CNTNAP2: variants seen among roughly 807,000 people sequenced by gnomAD.
CNTNAP2 encodes the protein contactin associated protein 2, also known as contactin-associated protein-like 2.
CNTNAP2 carries 98 observed loss-of-function variants against 155.2 expected under a neutral mutation model. The ratio of observed to expected loss-of-function variants is 0.63; its 90% CI spans 0.54 to 0.75. CNTNAP2 has a LOEUF of 0.75. Among genes scored for constraint, CNTNAP2 ranks in the 30% least tolerant of loss-of-function variants. The pLI, the probability that CNTNAP2 is intolerant of heterozygous loss-of-function variation, is 0.00. For synonymous variants in CNTNAP2, 651 were observed against 631.2 expected (o/e 1.03, Z -0.47); for missense variants, 1,727 against 1,688.1 (o/e 1.02, Z -0.40).
intron 1 of CNTNAP2, among the ~76,000 whole-genome samples, chr7:146,164,937 A>AGT (rs931789647): frequency 6.6e-6 from 1 of 152,146 alleles, no homozygotes; most frequent in Non-Finnish European, 1.5e-5. Context: ...GTTTATGTGA[A>AGT]GTGTGTGTGT....
chr7:146,423,378 A>G (rs561061226), intron 1 of CNTNAP2, among the ~76,000 whole-genome samples: 1 of 152,228 alleles, frequency 6.6e-6, no homozygotes, highest in Admixed American at 6.5e-5. Context: ...CAAGAATTTT[A>G]TGATTGATGG....
At chr7:147,615,342 A>G (rs991303019) in intron 12 of CNTNAP2, among the ~76,000 whole-genome samples, 3 of 144,024 alleles carry the variant, frequency 2.1e-5, no homozygotes, top group African/African-American at 5.1e-5. Context: ...TTGGCCAGGC[A>G]TTGTGGTTCA....
chr7:146,382,568 C>G (rs1795404949), intron 1 of CNTNAP2, among the ~76,000 whole-genome samples: 1 of 152,080 alleles, frequency 6.6e-6, no homozygotes, highest in South Asian at 2.1e-4. Context: ...CATATAATTA[C>G]TTTTCAGGTA....
At chr7:147,062,415 G>T (rs1799701953) in intron 4 of CNTNAP2, among the ~76,000 whole-genome samples, 1 of 151,940 alleles carries the variant, frequency 6.6e-6, no homozygotes, top group Admixed American at 6.6e-5. Flanking sequence ...GGGATTATTT[G>T]TGGTAACCAT....
At chr7:147,269,662 G>A (rs562856366) in intron 8 of CNTNAP2, among the ~76,000 whole-genome samples, 2 of 152,264 alleles carry the variant, frequency 1.3e-5, no homozygotes, top group African/African-American at 2.4e-5. Flanking sequence ...AGATTTTCCC[G>A]AGCAAGGATT....
chr7:147,047,105 C>CTTT (rs34699998), intron 4 of CNTNAP2, among the ~76,000 whole-genome samples: 124 of 99,804 alleles, frequency 1.2e-3, no homozygotes, highest in East Asian at 1.8e-3. Context: ...AGTTATGTTT[C>CTTT]TTTTTTTTTT....
intron 15 of CNTNAP2, among the ~76,000 whole-genome samples, chr7:148,117,279 T>C (rs945715092): frequency 6.6e-6 from 1 of 152,130 alleles, no homozygotes; most frequent in Non-Finnish European, 1.5e-5. Context: ...CTCATCCCCA[T>C]ACTATACAAC....
chr7:148,139,494 C>A (rs1268929849), intron 16 of CNTNAP2, among the ~76,000 whole-genome samples: 1 of 152,098 alleles, frequency 6.6e-6, no homozygotes, highest in East Asian at 1.9e-4. Flanking sequence ...TTCACTGAAG[C>A]TTTTAGGTCT....
chr7:146,616,464 C>T (rs1392505639), intron 1 of CNTNAP2, among the ~76,000 whole-genome samples: 7 of 152,126 alleles, frequency 4.6e-5, no homozygotes, highest in Non-Finnish European at 8.8e-5. Flanking sequence ...GCCTTTCTAA[C>T]CGAAACCATC....
chr7:146,813,620 A>G (rs1176942331), intron 2 of CNTNAP2, among the ~76,000 whole-genome samples: 11 of 152,108 alleles, frequency 7.2e-5, no homozygotes, highest in Admixed American at 7.2e-4. Context: ...ATGAGATGTT[A>G]GACTTGGACT....
chr7:148,091,350 A>G (rs572266629), intron 15 of CNTNAP2, among the ~76,000 whole-genome samples: 8 of 152,314 alleles, frequency 5.3e-5, no homozygotes, highest in Admixed American at 3.3e-4. Context: ...CATGTTGTAC[A>G]CCATACATAT....
chr7:146,632,777 T>TA (rs1415096556), intron 1 of CNTNAP2, among the ~76,000 whole-genome samples: 1 of 151,986 alleles, frequency 6.6e-6, no homozygotes, highest in Non-Finnish European at 1.5e-5. Flanking sequence ...ATAAGGAATT[T>TA]AAAATTATAA....
chr7:146,259,731 C>T (rs1370932699), intron 1 of CNTNAP2, among the ~76,000 whole-genome samples: 2 of 152,222 alleles, frequency 1.3e-5, no homozygotes, highest in South Asian at 2.1e-4. Context: ...AAAACTGATA[C>T]TTATATTTTA....
chr7:146,775,969 A>G (rs929191994), intron 2 of CNTNAP2, among the ~76,000 whole-genome samples: 3 of 152,096 alleles, frequency 2.0e-5, no homozygotes, highest in Non-Finnish European at 4.4e-5. Context: ...TGGACATGAG[A>G]GAGTTGTTGA....
At chr7:148,158,549 C>A (rs976517532) in intron 17 of CNTNAP2, among the ~76,000 whole-genome samples, 4 of 152,074 alleles carry the variant, frequency 2.6e-5, no homozygotes, top group African/African-American at 9.7e-5. Context: ...AATGTGCTCC[C>A]AAATAATCAA....
intron 18 of CNTNAP2, among the ~76,000 whole-genome samples, chr7:148,213,875 C>G (rs536316200): frequency 1.3e-5 from 2 of 152,322 alleles, no homozygotes; most frequent in Non-Finnish European, 2.9e-5. Flanking sequence ...ATCCCCAACA[C>G]CCAGCTGAAA....
At chr7:148,253,160 C>T (rs747263767) in intron 20 of CNTNAP2, among the ~76,000 whole-genome samples, 14 of 152,122 alleles carry the variant, frequency 9.2e-5, no homozygotes, top group Admixed American at 2.6e-4. Context: ...CCCTTCACAA[C>T]GTATCTTCCA....
chr7:146,310,859 A>C (rs114582130), intron 1 of CNTNAP2, among the ~76,000 whole-genome samples: 1 of 152,148 alleles, frequency 6.6e-6, no homozygotes, highest in Non-Finnish European at 1.5e-5. Flanking sequence ...ATAAAACTCT[A>C]TTTTACTAAT....
chr7:147,205,319 C>T (rs1418169714), intron 8 of CNTNAP2, among the ~76,000 whole-genome samples: 1 of 152,024 alleles, frequency 6.6e-6, no homozygotes, highest in Non-Finnish European at 1.5e-5. Flanking sequence ...GTTCTTTTTG[C>T]TCAGGGTTGC....
Sources: gnomAD v4.1 joint callset for allele counts (sites outside exome capture counted in the v4.1 genomes callset) on GRCh38, gnomAD v4.1.1 for gene constraint, MANE v1.5 for transcripts, NCBI Gene and HGNC (gene_info 2026-07-23, HGNC 2026-07-21) for gene names.